The following AKT3 variants were observed in gnomAD, a reference collection of about 807,000 sequenced individuals.
AKT3 encodes the protein AKT serine/threonine kinase 3, also known as RAC-gamma serine/threonine-protein kinase.
A neutral mutation model predicts 65.3 loss-of-function variants in AKT3; 15 were observed. That is an observed-to-expected ratio of 0.23 (90% CI 0.15 to 0.35). AKT3 has a LOEUF of 0.35. Among genes scored for constraint, AKT3 ranks in the 10% least tolerant of loss-of-function variants. The pLI is 1.00. For synonymous variants in AKT3, 206 were observed against 183.8 expected (o/e 1.12, Z -0.98); for missense variants, 243 against 576.5 (o/e 0.42, Z 5.92).
At chr1:243,547,079 G>A (rs1672723866) in intron 11 of AKT3, 1 of 152,050 alleles carries the variant, frequency 6.6e-6, no homozygotes, top group Non-Finnish European at 1.5e-5. Context: ...TTTCTCTTAA[G>A]TCTAAACAGT....
intron 2 of AKT3, among the ~76,000 whole-genome samples, chr1:243,786,684 G>C (rs1291779950): frequency 1.3e-5 from 2 of 152,046 alleles, no homozygotes; most frequent in African/African-American, 4.8e-5. Flanking sequence ...AAAAGCACGG[G>C]GTGGGGGGGT....
intron 10 of AKT3, among the ~76,000 whole-genome samples, chr1:243,555,696 A>C (rs770954708): frequency 6.6e-6 from 1 of 152,188 alleles, no homozygotes; most frequent in Non-Finnish European, 1.5e-5. Flanking sequence ...AAACAGTGGT[A>C]TAATGGACAG....
chr1:243,615,417 C>T (rs568334755), intron 6 of AKT3, among the ~76,000 whole-genome samples: 17 of 152,062 alleles, frequency 1.1e-4, no homozygotes, highest in Admixed American at 9.2e-4. Context: ...AATAATGATA[C>T]AAAAATCAGT....
chr1:243,578,807 T>C (rs1193973379), intron 8 of AKT3, among the ~76,000 whole-genome samples: 2 of 152,112 alleles, frequency 1.3e-5, no homozygotes, highest in Non-Finnish European at 2.9e-5. Context: ...AACAAAAAAG[T>C]TACTGATCAC....
intron 12 of AKT3, among the ~76,000 whole-genome samples, chr1:243,540,080 CT>C (rs1672207289): frequency 6.6e-6 from 1 of 152,114 alleles, no homozygotes; most frequent in South Asian, 2.1e-4. Flanking sequence ...AGGAGGAGTA[CT>C]TCCCCTTTTG....
intron 3 of AKT3, among the ~76,000 whole-genome samples, chr1:243,692,333 A>G (rs1305894430): frequency 6.6e-6 from 1 of 152,182 alleles, no homozygotes; most frequent in East Asian, 1.9e-4. Context: ...AGGGACAGAG[A>G]AAAGAATCTG....
intron 2 of AKT3, among the ~76,000 whole-genome samples, chr1:243,755,873 C>T (rs1209751475): frequency 6.6e-6 from 1 of 152,150 alleles, no homozygotes; most frequent in East Asian, 1.9e-4. Context: ...CCTTTCTTTT[C>T]TTAAGTATTT....
chr1:243,651,753 C>T (rs935050745), intron 4 of AKT3, among the ~76,000 whole-genome samples: 6 of 152,218 alleles, frequency 3.9e-5, no homozygotes, highest in South Asian at 4.2e-4. Context: ...CTGACTTGAT[C>T]GTGGTGGATA....
At chr1:243,848,284 A>G (rs1360884920) in intron 1 of AKT3, among the ~76,000 whole-genome samples, 2 of 152,224 alleles carry the variant, frequency 1.3e-5, no homozygotes, top group African/African-American at 4.8e-5. Context: ...AAGATAATGT[A>G]CTGGCAAAAG....
In AKT3 at chr1:243,587,556, A is replaced by C. The variant is rs1031380154; in HGVS notation, c.697-14508T>G. ...AACCCGGGAGGTGGAGCTTGCAGTA[A>C]GCCGAGACTGCACCACTGCACTCCA... On this transcript the variant is annotated intron_variant, in intron 8 of 13. Transcript: ENST00000673466. Among the ~76,000 whole-genome samples, 3 of 152,160 alleles carry C rather than the reference A, an allele frequency of 2.0e-5. No homozygotes were observed. The East Asian group carries it at 5.8e-4, about 29-fold the overall frequency.
chr1:243,590,834 C>T (rs1200100788), intron 8 of AKT3, among the ~76,000 whole-genome samples: 1 of 152,086 alleles, frequency 6.6e-6, no homozygotes, highest in Non-Finnish European at 1.5e-5. Flanking sequence ...AGGAGAAAGA[C>T]ATTTGAAAAA....
At chr1:243,711,147 C>T (rs1329656682) in intron 2 of AKT3, among the ~76,000 whole-genome samples, 2 of 152,096 alleles carry the variant, frequency 1.3e-5, no homozygotes, top group Non-Finnish European at 2.9e-5. Context: ...AGTGAAACCC[C>T]GTCTCTACTA....
intron 6 of AKT3, among the ~76,000 whole-genome samples, chr1:243,615,523 T>C (rs1256187589): frequency 6.6e-6 from 1 of 152,198 alleles, no homozygotes; most frequent in Non-Finnish European, 1.5e-5. Flanking sequence ...GGTAATTTAA[T>C]ATCTCCATGT....
At chr1:243,523,629 A>G (rs188311539) in intron 12 of AKT3, among the ~76,000 whole-genome samples, 170 of 152,302 alleles carry the variant, frequency 1.1e-3, no homozygotes, top group African/African-American at 4.0e-3. Context: ...AAGTCATACT[A>G]AAGCATCACA....
At chr1:243,791,977 A>C (rs1282935686) in intron 2 of AKT3, among the ~76,000 whole-genome samples, 4 of 152,254 alleles carry the variant, frequency 2.6e-5, no homozygotes, top group Non-Finnish European at 4.4e-5. Flanking sequence ...AAAAATTAAC[A>C]GAATAAATCT....
At chr1:243,788,154 G>T (rs937299402) in intron 2 of AKT3, among the ~76,000 whole-genome samples, 23 of 152,124 alleles carry the variant, frequency 1.5e-4, no homozygotes, top group Non-Finnish European at 4.4e-5. Context: ...TACACTTTGG[G>T]AAATGGTACA....
intron 8 of AKT3, among the ~76,000 whole-genome samples, chr1:243,582,576 T>C (rs1445879660): frequency 1.3e-5 from 2 of 151,470 alleles, no homozygotes; most frequent in African/African-American, 4.9e-5. Flanking sequence ...TTGTTACAAC[T>C]AGACCAGCCT....
chr1:243,764,780 CTCA>C (rs1167816451), intron 2 of AKT3, among the ~76,000 whole-genome samples: 3 of 152,112 alleles, frequency 2.0e-5, no homozygotes, highest in Admixed American at 6.6e-5. Context: ...CACCTACAAT[CTCA>C]TCATATGTCT....
Position 243,581,605 on chromosome 1 carries a change from T to G in AKT3, c.697-8557A>C, listed in dbSNP as rs534886259. 2.6e-5 allele frequency among the ~76,000 whole-genome samples: 4 copies of G among 151,988 alleles called. No homozygotes were observed. In the South Asian group the frequency reaches 8.3e-4, roughly 32 times the overall value. ...AAAGAAAGAAAAAATCCTACCTGCA[T>G]GAAAATAATTACAGAAGTTACAAGT... On this transcript the variant is annotated intron_variant, in intron 8 of 13. Coordinates refer to ENST00000673466, the MANE Select transcript of AKT3 (RefSeq NM_005465.7).
Sources: allele counts gnomAD v4.1 joint callset (sites outside exome capture counted in the v4.1 genomes callset), GRCh38; gene constraint gnomAD v4.1.1; transcripts MANE v1.5; gene names NCBI Gene and HGNC (gene_info 2026-07-23, HGNC 2026-07-21).